PPARGC1A: variants seen among roughly 807,000 people sequenced by gnomAD.
The protein encoded by PPARGC1A is PPARG coactivator 1 alpha.
PPARGC1A carries 25 observed loss-of-function variants against 88.7 expected under a neutral mutation model. That is an observed-to-expected ratio of 0.28 (90% CI 0.21 to 0.39). The LOEUF (loss-of-function observed/expected upper bound fraction) is 0.39. PPARGC1A is among the 10% of genes least tolerant of loss of function. PPARGC1A has a pLI of 1.00. For synonymous variants in PPARGC1A, 363 were observed against 355.6 expected, an observed-to-expected ratio of 1.02 and a Z score of -0.24; for missense variants, 880 against 968.7, an observed-to-expected ratio of 0.91 and a Z score of 1.22.
chr4:24,199,630 G>C, the PPARGC1A span, among the ~76,000 whole-genome samples: 2 of 152,122 alleles, frequency 1.3e-5, no homozygotes, highest in Non-Finnish European at 2.9e-5. Context: ...AGGCACATTG[G>C]CAGGAGTTGA....
the PPARGC1A span, among the ~76,000 whole-genome samples, chr4:24,265,145 GAACA>G: frequency 6.6e-6 from 1 of 152,160 alleles, no homozygotes; most frequent in Non-Finnish European, 1.5e-5. Context: ...TTTGTTAAAA[GAACA>G]AATAAATCAA....
the PPARGC1A span, among the ~76,000 whole-genome samples, chr4:24,020,165 C>T: frequency 6.6e-6 from 1 of 152,164 alleles, no homozygotes; most frequent in African/African-American, 2.4e-5. Flanking sequence ...GACCGACAAG[C>T]CAGTCTACCA....
the PPARGC1A span, among the ~76,000 whole-genome samples, chr4:24,128,100 G>A: frequency 1.3e-5 from 2 of 152,146 alleles, no homozygotes; most frequent in Non-Finnish European, 2.9e-5. Flanking sequence ...GCGGAAAGGA[G>A]GGACAGAGGA....
the PPARGC1A span, among the ~76,000 whole-genome samples, chr4:24,368,487 C>T: frequency 1.6e-4 from 25 of 151,992 alleles, no homozygotes; most frequent in African/African-American, 5.3e-4. Flanking sequence ...TCTATAGATC[C>T]TTGTCTGAAG....
At chr4:24,243,346 T>C in the PPARGC1A span, among the ~76,000 whole-genome samples, 2 of 152,122 alleles carry the variant, frequency 1.3e-5, no homozygotes, top group East Asian at 3.9e-4. Context: ...AAGCAGAGCA[T>C]CCCACCTCAC....
At chr4:23,924,077 A>G in the PPARGC1A span, among the ~76,000 whole-genome samples, 1 of 152,160 alleles carries the variant, frequency 6.6e-6, no homozygotes, top group Non-Finnish European at 1.5e-5. Context: ...AAATGATACC[A>G]GGCCATGCTG....
chr4:24,113,988 G>T, the PPARGC1A span, among the ~76,000 whole-genome samples: 1 of 152,004 alleles, frequency 6.6e-6, no homozygotes, highest in Non-Finnish European at 1.5e-5. Context: ...GTTGGGCGTG[G>T]TGTTGCATGC....
the PPARGC1A span, among the ~76,000 whole-genome samples, chr4:24,284,942 C>T: frequency 1.3e-5 from 2 of 151,876 alleles, no homozygotes; most frequent in Non-Finnish European, 2.9e-5. Context: ...GCAGGGGAAT[C>T]GTTTGAACCC....
At chr4:24,216,979 T>C in the PPARGC1A span, among the ~76,000 whole-genome samples, 694 of 152,316 alleles carry the variant, frequency 4.6e-3, 7 homozygotes, top group African/African-American at 0.016. Flanking sequence ...TCAAAGCACC[T>C]GACACATAGT....
At chr4:24,052,277 T>A in the PPARGC1A span, among the ~76,000 whole-genome samples, 14 of 152,130 alleles carry the variant, frequency 9.2e-5, no homozygotes, top group African/African-American at 3.4e-4. Flanking sequence ...GTGAAGGAAG[T>A]GTTTAGAAAA....
chr4:24,208,984 T>C, the PPARGC1A span, among the ~76,000 whole-genome samples: 3 of 152,130 alleles, frequency 2.0e-5, no homozygotes, highest in African/African-American at 7.2e-5. Context: ...AATACAGATA[T>C]ACCTAATTCT....
chr4:24,282,483 T>C, the PPARGC1A span, among the ~76,000 whole-genome samples: 4 of 152,248 alleles, frequency 2.6e-5, no homozygotes, highest in East Asian at 3.9e-4. Context: ...GAGTGAAAAA[T>C]GGGTCAGGCA....
the PPARGC1A span, among the ~76,000 whole-genome samples, chr4:24,336,041 C>CT: frequency 6.6e-6 from 1 of 152,122 alleles, no homozygotes; most frequent in African/African-American, 2.4e-5. Flanking sequence ...TATTTCTTCA[C>CT]TTTTTTTCCC....
At chr4:23,817,692 G>C (rs1560363814) in intron 7 of PPARGC1A, among the ~76,000 whole-genome samples, 1 of 152,098 alleles carries the variant, frequency 6.6e-6, no homozygotes, top group Non-Finnish European at 1.5e-5. Flanking sequence ...TAGATGGAGA[G>C]AGAAAAATAA....
At chr4:23,900,102 G>A (rs191733569), upstream of PPARGC1A, among the ~76,000 whole-genome samples, 1 of 152,058 alleles carries the variant, frequency 6.6e-6, no homozygotes, top group African/African-American at 2.4e-5. Flanking sequence ...AGAAATCAAA[G>A]GACTTGATGT....
the PPARGC1A span, among the ~76,000 whole-genome samples, chr4:24,289,960 T>C: frequency 1.3e-5 from 2 of 152,202 alleles, no homozygotes; most frequent in African/African-American, 2.4e-5. Context: ...TGGAGGAATA[T>C]TGATGAGGAG....
At chr4:24,454,490 C>G in the PPARGC1A span, among the ~76,000 whole-genome samples, 2 of 152,104 alleles carry the variant, frequency 1.3e-5, no homozygotes, top group Admixed American at 1.3e-4. Context: ...AATTCCAGCA[C>G]TTTGAGAAGC....
chr4:24,441,094 C>T, the PPARGC1A span, among the ~76,000 whole-genome samples: 1 of 152,162 alleles, frequency 6.6e-6, no homozygotes, highest in African/African-American at 2.4e-5. Flanking sequence ...ACTCTTGTTT[C>T]TTAAAAACAG....
the PPARGC1A span, among the ~76,000 whole-genome samples, chr4:23,923,350 T>C: frequency 7.9e-5 from 12 of 152,124 alleles, no homozygotes; most frequent in African/African-American, 2.9e-4. Context: ...CCAATTCCAT[T>C]ATTTGTTCCT....
Sources: allele counts gnomAD v4.1 joint callset (sites outside exome capture counted in the v4.1 genomes callset), GRCh38; gene constraint gnomAD v4.1.1; transcripts MANE v1.5; gene names NCBI Gene and HGNC (gene_info 2026-07-23, HGNC 2026-07-21).